Variants in MED13 observed in about 807,000 individuals in gnomAD.
MED13 encodes the protein mediator complex subunit 13.
In MED13, 23 loss-of-function variants were observed where a neutral mutation model predicts 225.2. The observed-to-expected ratio is 0.10, with a 90% CI of 0.07 to 0.14. The LOEUF (loss-of-function observed/expected upper bound fraction) is 0.14. Ranked by LOEUF, MED13 falls within the 10% of genes least tolerant of loss-of-function variation. The pLI, the probability that MED13 is intolerant of heterozygous loss-of-function variation, is 1.00. For missense variants in MED13, 2,197 were observed against 2,594.5 expected, an observed-to-expected ratio of 0.85 and a Z score of 3.33; for synonymous variants, 942 against 889.2, an observed-to-expected ratio of 1.06 and a Z score of -1.06.
chr17:62,041,090 AT>A (rs771226271), intron 3 of MED13, among the ~76,000 whole-genome samples: 18 of 152,336 alleles, frequency 1.2e-4, no homozygotes, highest in Non-Finnish European at 2.5e-4. Flanking sequence ...ACCAATGTTC[AT>A]AGCAGCATTA....
Position 62,031,497 on chromosome 17 carries a change from G to C in MED13, c.956C>G (p.Ala319Gly). Residue 319 changes from alanine (A) to glycine (G), a missense_variant, in exon 6 of 30, where the codon GCT (alanine) becomes GGT (glycine). Ala to Gly is a moderately conservative substitution (Grantham distance 60, BLOSUM62 0). Coordinates refer to ENST00000397786, the MANE Select transcript of MED13 (RefSeq NM_005121.3). Reference protein sequence around the residue: ...HQVPASTRDPAMSSVTLTPPT... With the variant: ...HQVPASTRDPGMSSVTLTPPT... ...TGGTGTAAGCGTAACCGAAGACATA[G>C]CAGGATCTCTTGTGGAAGCAGGCAC... 7 of 1,613,860 alleles carry C rather than the reference G, an allele frequency of 4.3e-6. No individual in the cohort carries two copies. The highest frequency in any genetic ancestry group is 5.9e-6 in the Non-Finnish European group (7 of 1,179,874).
intron 28 of MED13, among the ~76,000 whole-genome samples, chr17:61,949,087 C>CAA (rs879385487): frequency 2.9e-4 from 32 of 111,470 alleles, no homozygotes; most frequent in African/African-American, 1.1e-3. Flanking sequence ...GACTCCGTCT[C>CAA]AAAAAAAAAA....
intron 11 of MED13, among the ~76,000 whole-genome samples, chr17:61,991,150 G>A (rs2080295008): frequency 1.3e-5 from 2 of 151,738 alleles, no homozygotes; most frequent in African/African-American, 4.8e-5. Flanking sequence ...ACAGAGTCTC[G>A]CTCTGTCACC....
At chr17:62,060,976 G>A (rs2081034688) in intron 2 of MED13, among the ~76,000 whole-genome samples, 1 of 152,084 alleles carries the variant, frequency 6.6e-6, no homozygotes, top group Non-Finnish European at 1.5e-5. Context: ...TGGGATTACA[G>A]GCGTGAGTGA....
intron 12 of MED13, among the ~76,000 whole-genome samples, chr17:61,985,550 A>T (rs2080240321): frequency 6.6e-6 from 1 of 152,120 alleles, no homozygotes; most frequent in Non-Finnish European, 1.5e-5. Context: ...GCATGCCTGT[A>T]ATTCCAGCTA....
Position 62,031,454 on chromosome 17 carries a change from T to C in MED13, c.999A>G (p.Glu333=). Reference sequence around the variant, plus strand: ...AAATTACTGCTATACCTGTTTGGACTTCCTCAGGAGACGTAGGTGGTGTAA... The same window carrying C: ...AAATTACTGCTATACCTGTTTGGACCTCCTCAGGAGACGTAGGTGGTGTAA... The part of the protein sequence containing the change: ...VTLTPPTSPE[E]VQTVDPQSVQ... The change falls in exon 6 of 30, where the codon GAA becomes GAG. Residue 333 remains glutamate (E), a synonymous_variant. Transcript: ENST00000397786. 1 of 1,603,358 alleles carries C rather than the reference T, an allele frequency of 6.2e-7. No individual in the cohort carries two copies. The highest frequency in any genetic ancestry group is 8.5e-7 in the Non-Finnish European group (1 of 1,174,904).
chr17:61,969,027 C>T (rs1041269770), intron 17 of MED13, among the ~76,000 whole-genome samples: 12 of 152,110 alleles, frequency 7.9e-5, no homozygotes, highest in East Asian at 1.9e-4. Flanking sequence ...GCTGGGATTA[C>T]GTGCAGGAGC....
chr17:62,001,324 A>G (rs1160046367), intron 9 of MED13, among the ~76,000 whole-genome samples: 1 of 152,156 alleles, frequency 6.6e-6, no homozygotes, highest in Non-Finnish European at 1.5e-5. Flanking sequence ...ACATTCATAC[A>G]TCCCTGCTAC....
chr17:62,008,687 G>A (rs1204465163), intron 9 of MED13, among the ~76,000 whole-genome samples: 6 of 151,148 alleles, frequency 4.0e-5, no homozygotes, highest in African/African-American at 1.5e-4. Context: ...TCCCCCCGCC[G>A]CCCCCTCCCC....
rs574761899 is a variant in MED13 at position 61,961,122 on chromosome 17, C to T, written c.5257-32G>A. 2.2e-5 allele frequency: 32 copies of T among 1,452,620 alleles called. No individual in the cohort carries two copies. The South Asian group carries it at 3.9e-4, about 18-fold the overall frequency. 90.0% of individuals were successfully genotyped at this position (1,452,620 alleles called of 1,614,324 possible). A position where few individuals can be genotyped will look rare whatever the true frequency, so the allele number is the denominator to read the frequency against. On this transcript the variant is annotated intron_variant, in intron 22 of 29. Coordinates refer to ENST00000397786, the MANE Select transcript of MED13 (RefSeq NM_005121.3). ...AATAAAAAATTAAGGTATTATCATA[C>T]TATACAATCTTAGAGAAATATTGCA...
chr17:61,991,664 T>C (rs1023182345), intron 11 of MED13, among the ~76,000 whole-genome samples: 1 of 152,102 alleles, frequency 6.6e-6, no homozygotes, highest in Non-Finnish European at 1.5e-5. Flanking sequence ...CGTGCCTCCA[T>C]GCCCAGCTAA....
rs188440302 is a variant in MED13 at position 62,029,526 on chromosome 17, C to T, written c.1283+15G>A. 2.2e-5 allele frequency: 35 copies of T among 1,596,486 alleles called. No homozygotes were observed. The highest frequency in any genetic ancestry group is 2.0e-4 in the Admixed American group (12 of 59,872). ...CTATCACACATAGGCATCAATCGAT[C>T]GGGAAATAATCTACCTCAAACAACT... On this transcript the variant is annotated intron_variant, in intron 8 of 29. Transcript: ENST00000397786.
chr17:61,966,709 C>T (rs1416919485), intron 18 of MED13, 58 bp from the exon 19 acceptor site: 6 of 1,118,486 alleles, frequency 5.4e-6, no homozygotes, highest in Non-Finnish European at 7.3e-6. Context: ...TTTAGATACA[C>T]ATTATAAAAC....
At chr17:62,013,666 A>G (rs1603402344) in intron 8 of MED13, among the ~76,000 whole-genome samples, 1 of 152,210 alleles carries the variant, frequency 6.6e-6, no homozygotes, top group East Asian at 1.9e-4. Flanking sequence ...CGTTTTACCC[A>G]ATGCAATAAG....
intron 28 of MED13, 89 bp from the exon 29 acceptor site, chr17:61,947,106 A>G: frequency 1.2e-6 from 1 of 855,974 alleles, no homozygotes. Context: ...ATATCTTATA[A>G]AATGATGAAA....
chr17:62,016,627 G>A (rs1463102321), intron 8 of MED13, among the ~76,000 whole-genome samples: 2 of 152,148 alleles, frequency 1.3e-5, no homozygotes, highest in African/African-American at 2.4e-5. Flanking sequence ...TCCAAGACAT[G>A]TTATAAAATA....
chr17:62,020,705 TTA>T (rs1555639930), intron 8 of MED13, among the ~76,000 whole-genome samples: 12 of 147,990 alleles, frequency 8.1e-5, no homozygotes, highest in Admixed American at 1.4e-4. Flanking sequence ...TTTTTTTTTT[TTA>T]ATTGATCATT....
intron 8 of MED13, 43 bp downstream of exon 8, chr17:62,029,497 CA>C: frequency 6.9e-7 from 1 of 1,445,068 alleles, no homozygotes; most frequent in Non-Finnish European, 9.7e-7. Flanking sequence ...AGTGGCGTAA[CA>C]AACTATCACA....
intron 9 of MED13, among the ~76,000 whole-genome samples, chr17:62,008,245 G>A (rs1414553707): frequency 6.9e-6 from 1 of 145,400 alleles, no homozygotes; most frequent in African/African-American, 2.6e-5. Flanking sequence ...TGTGAACCAG[G>A]AGGCGGAGCT....
Sources: allele counts gnomAD v4.1 joint callset (sites outside exome capture counted in the v4.1 genomes callset), GRCh38; gene constraint gnomAD v4.1.1; transcripts MANE v1.5; gene names NCBI Gene and HGNC (gene_info 2026-07-23, HGNC 2026-07-21).